Variants in PDCD6IP observed in about 807,000 individuals in gnomAD.
PDCD6IP encodes programmed cell death 6-interacting protein.
Under a neutral mutation model 103.7 loss-of-function variants are expected in PDCD6IP, and 43 were observed. The observed-to-expected ratio is 0.41, with a 90% CI of 0.32 to 0.53. PDCD6IP has a LOEUF of 0.53. Among genes scored for constraint, PDCD6IP ranks in the 20% least tolerant of loss-of-function variants. PDCD6IP has a pLI of 0.16. For synonymous variants in PDCD6IP, 354 were observed against 378.7 expected (o/e 0.93, Z 0.76); for missense variants, 871 against 1,036.7 (o/e 0.84, Z 2.20).
chr3:33,862,264 A>G (rs753039887), intron 15 of PDCD6IP, among the ~76,000 whole-genome samples: 17 of 149,538 alleles, frequency 1.1e-4, no homozygotes, highest in Admixed American at 3.3e-4. Flanking sequence ...TGATGAATGT[A>G]TACTAGTTTT....
intron 7 of PDCD6IP, among the ~76,000 whole-genome samples, chr3:33,830,732 C>T (rs544540712): frequency 5.3e-5 from 8 of 152,116 alleles, no homozygotes; most frequent in Non-Finnish European, 1.0e-4. Context: ...ACACAGAACA[C>T]ACTCACTGAT....
At chr3:33,854,426 G>T (rs1697785715) in intron 14 of PDCD6IP, among the ~76,000 whole-genome samples, 1 of 152,118 alleles carries the variant, frequency 6.6e-6, no homozygotes, top group East Asian at 1.9e-4. Flanking sequence ...ACAGACTTGT[G>T]GCCTGCCCAA....
chr3:33,863,785 A>T, intron 15 of PDCD6IP: 1 of 517,610 alleles, frequency 1.9e-6, no homozygotes, highest in Non-Finnish European at 3.4e-6. Flanking sequence ...CAGCAGTGGG[A>T]TTGTTGGATC....
chr3:33,818,121 T>TTG, intron 3 of PDCD6IP, among the ~76,000 whole-genome samples: 1 of 144,688 alleles, frequency 6.9e-6, no homozygotes, highest in African/African-American at 2.5e-5. Flanking sequence ...TTTTTTTTTT[T>TTG]GGAGAACAGT....
intron 1 of PDCD6IP, chr3:33,799,521 A>T (rs1051998034): frequency 7.9e-5 from 12 of 152,470 alleles, no homozygotes; most frequent in African/African-American, 2.9e-4. Flanking sequence ...CTCTAGTTAC[A>T]TAGTTGAACC....
intron 17 of PDCD6IP, among the ~76,000 whole-genome samples, chr3:33,865,790 A>G (rs1409058577): frequency 1.3e-5 from 2 of 152,226 alleles, no homozygotes; most frequent in African/African-American, 4.8e-5. Context: ...TATACTTAGA[A>G]TACTTGGCAT....
chr3:33,851,878 A>G (rs1697722103), intron 12 of PDCD6IP, among the ~76,000 whole-genome samples: 2 of 152,042 alleles, frequency 1.3e-5, no homozygotes, highest in South Asian at 2.1e-4. Context: ...TTCTTTCTCC[A>G]TCTACCATGC....
chr3:33,812,063 AT>A lies in PDCD6IP; in HGVS notation c.210-3del, dbSNP rs771635298. 2.0e-5 allele frequency: 32 copies of A among 1,588,558 alleles called. 1 individual carries two copies. Among genetic ancestry groups the A allele is most frequent in the African/African-American group, 1.2e-4 (9 of 73,600 alleles). On this transcript the variant is annotated splice_polypyrimidine_tract_variant and splice_region_variant and intron_variant, in intron 1 of 17. Transcript: ENST00000307296. ...CTCTGGTAATTATTAATTCTGCTCT[AT>A]TTTTTAGATATTATGATCAGATTTG... is the stretch of plus-strand genomic sequence containing the variant.
chr3:33,800,423 C>G (rs545796330), intron 1 of PDCD6IP, among the ~76,000 whole-genome samples: 1 of 152,120 alleles, frequency 6.6e-6, no homozygotes, highest in Non-Finnish European at 1.5e-5. Flanking sequence ...TTGCCCTTAT[C>G]TGAGTCATCC....
At chr3:33,849,689 A>G (rs1167480494) in intron 12 of PDCD6IP, among the ~76,000 whole-genome samples, 1 of 152,256 alleles carries the variant, frequency 6.6e-6, no homozygotes, top group African/African-American at 2.4e-5. Flanking sequence ...ATTTGAATTT[A>G]TAAGAAAATT....
rs28417511 is a variant in PDCD6IP, at chr3:33,863,218, G to A, written c.2121-788G>A. The stretch of plus-strand genomic sequence containing the variant: ...TGATATTTTGATACATGAATACAAT[G>A]CATAATAATCAAATCAAGGCAATTA... On this transcript the variant is annotated intron_variant, in intron 15 of 17. Coordinates refer to ENST00000307296, the MANE Select transcript of PDCD6IP (RefSeq NM_013374.6). Among the ~76,000 whole-genome samples the A allele has an allele frequency of 5.6e-3, 855 of 152,200 alleles. 6 individuals carry two copies. Among genetic ancestry groups the A allele is most frequent in the African/African-American group, 0.02 (822 of 41,530 alleles).
chr3:33,845,344 C>A, intron 11 of PDCD6IP, 75 bp from the exon 12 acceptor site: 1 of 1,128,876 alleles, frequency 8.9e-7, no homozygotes, highest in Non-Finnish European at 1.3e-6. Context: ...GAGACTAGAA[C>A]TCAACATATA....
intron 3 of PDCD6IP, among the ~76,000 whole-genome samples, chr3:33,819,413 G>A (rs1300513739): frequency 6.6e-6 from 1 of 151,992 alleles, no homozygotes; most frequent in African/African-American, 2.4e-5. Flanking sequence ...ATTTATTTTG[G>A]GCTTAGTTTT....
Position 33,863,933 on chromosome 3 carries a change from A to C in PDCD6IP, c.2121-73A>C, listed in dbSNP as rs1195531700. On this transcript the variant is annotated intron_variant, in intron 15 of 17. Coordinates refer to ENST00000307296, the MANE Select transcript of PDCD6IP (RefSeq NM_013374.6). ...TTTTCTATGTTTCATGTATGAAGAA[A>C]AGAAAAGCTGATATTTTATGTGTGT... 3.1e-6 allele frequency: 3 copies of C among 971,014 alleles called. No individual in the cohort carries two copies. In the African/African-American group the frequency reaches 4.8e-5, roughly 16 times the overall value. The allele number at this position is 971,014 out of a possible 1,614,324, so 60.1% of individuals were successfully genotyped here. A position where few individuals can be genotyped will look rare whatever the true frequency, so the allele number is the denominator to read the frequency against.
At chr3:33,814,879 C>A (rs1042442556) in intron 3 of PDCD6IP, among the ~76,000 whole-genome samples, 2 of 144,054 alleles carry the variant, frequency 1.4e-5, no homozygotes, top group Non-Finnish European at 3.0e-5. Flanking sequence ...TACATATATA[C>A]ATATATATTC....
rs958673974 is a variant in PDCD6IP, at chr3:33,863,922, T to C, written c.2121-84T>C. ...TTTGGAATCCATTTTCTATGTTTCA[T>C]GTATGAAGAAAAGAAAAGCTGATAT... On this transcript the variant is annotated intron_variant, in intron 15 of 17. Coordinates refer to ENST00000307296, the MANE Select transcript of PDCD6IP (RefSeq NM_013374.6). 2.0e-5 allele frequency: 17 copies of C among 847,642 alleles called. No individual in the cohort carries two copies. The African/African-American group carries it at 2.9e-4, about 14-fold the overall frequency. The allele number at this position is 847,642 out of a possible 1,614,324, so 52.5% of individuals were successfully genotyped here. A position where few individuals can be genotyped will look rare whatever the true frequency, so the allele number is the denominator to read the frequency against.
chr3:33,835,162 G>A, intron 7 of PDCD6IP: 1 of 454,014 alleles, frequency 2.2e-6, no homozygotes, highest in South Asian at 1.6e-5. Flanking sequence ...TGCGGCTTAT[G>A]TTCATTTTTT....
intron 4 of PDCD6IP, among the ~76,000 whole-genome samples, chr3:33,824,376 G>C (rs1559780590): frequency 6.6e-6 from 1 of 151,860 alleles, no homozygotes; most frequent in Non-Finnish European, 1.5e-5. Context: ...TCCTGCCTCA[G>C]CCTCCCGAGC....
chr3:33,851,214 G>GGCTC (rs1244562714), intron 12 of PDCD6IP, among the ~76,000 whole-genome samples: 3 of 151,874 alleles, frequency 2.0e-5, no homozygotes, highest in African/African-American at 7.3e-5. Flanking sequence ...GTGGAGACAG[G>GGCTC]GCTCGTGATG....
Sources: allele counts gnomAD v4.1 joint callset (sites outside exome capture counted in the v4.1 genomes callset), GRCh38; gene constraint gnomAD v4.1.1; transcripts MANE v1.5; gene names NCBI Gene and HGNC (gene_info 2026-07-23, HGNC 2026-07-21).